The following UPK3A variants were observed in gnomAD, a reference collection of about 807,000 sequenced individuals.
UPK3A encodes the protein uroplakin 3A, also known as uroplakin-3a.
Under a neutral mutation model 27.6 loss-of-function variants are expected in UPK3A, and 32 were observed. The ratio of observed to expected loss-of-function variants is 1.16; its 90% CI spans 0.87 to 1.55. The LOEUF (loss-of-function observed/expected upper bound fraction) is 1.55. UPK3A is among the 40% of genes most tolerant of loss of function. The probability of loss-of-function intolerance (pLI) is 0.00; values close to 1 mark genes in which losing one functional copy is unlikely to be tolerated. For synonymous variants in UPK3A, 171 were observed against 163.9 expected (o/e 1.04, Z -0.33); for missense variants, 370 against 367.9 (o/e 1.01, Z -0.05).
chr22:45,294,007 A>T (rs2084179222), intron 5 of UPK3A, among the ~76,000 whole-genome samples: 1 of 152,024 alleles, frequency 6.6e-6, no homozygotes, highest in African/African-American at 2.4e-5. Context: ...CCCACAGTCC[A>T]CTAGCCCCTG....
intron 3 of UPK3A, 78 bp from the exon 4 acceptor site, chr22:45,288,983 C>A: frequency 1.4e-6 from 2 of 1,457,774 alleles, no homozygotes; most frequent in Non-Finnish European, 9.6e-7. Flanking sequence ...CCTAGGCCAT[C>A]CTACATCCCC....
At chr22:45,289,197 G>A in intron 4 of UPK3A, 54 bp downstream of exon 4, 1 of 1,578,690 alleles carries the variant, frequency 6.3e-7, no homozygotes, top group Non-Finnish European at 8.7e-7. Flanking sequence ...AGAAGGCGGG[G>A]CCAGCCACGG....
Position 45,295,772 on chromosome 22 carries a change from C to A in UPK3A, c.*53C>A. 5 of 1,607,310 alleles carry A rather than the reference C, an allele frequency of 3.1e-6. No homozygotes were observed. Among genetic ancestry groups the A allele is most frequent in the Non-Finnish European group, 4.2e-6 (5 of 1,177,450 alleles). On this transcript the variant is annotated 3_prime_UTR_variant, in exon 6 of 6. Transcript: ENST00000216211. The stretch of plus-strand genomic sequence containing the variant: ...TCCTCCTCTCTGGCCTTGCCCCAGG[C>A]CCTGCAGCGGTGGTTGTCACACCCT...
Position 45,295,788 on chromosome 22 carries a change from G to A in UPK3A, c.*69G>A. On this transcript the variant is annotated 3_prime_UTR_variant, in exon 6 of 6. Coordinates refer to ENST00000216211, the MANE Select transcript of UPK3A (RefSeq NM_006953.4). ...TGCCCCAGGCCCTGCAGCGGTGGTT[G>A]TCACACCCTGACTTCAGGGAAGGTG... The A allele has an allele frequency of 1.3e-6, 2 of 1,586,876 alleles. No homozygotes were observed. The highest frequency in any genetic ancestry group is 8.6e-7 in the Non-Finnish European group (1 of 1,162,318).
chr22:45,288,958 C>A (rs1378102273), intron 3 of UPK3A, 103 bp from the exon 4 acceptor site: 9 of 1,100,120 alleles, frequency 8.2e-6, no homozygotes, highest in Non-Finnish European at 1.2e-5. Flanking sequence ...AGGGCCCCCG[C>A]TGCCGTCTCC....
At chr22:45,285,915 G>C (rs779666356) in intron 1 of UPK3A, 26 bp from the exon 2 acceptor site, 2 of 1,613,296 alleles carry the variant, frequency 1.2e-6, no homozygotes, top group Admixed American at 3.3e-5. Flanking sequence ...CCGGAGGTCA[G>C]TTCCCATCCT....
In UPK3A at chr22:45,287,309, C is replaced by T. The variant is rs1483589886; in HGVS notation, c.346C>T (p.Leu116=). The change falls in exon 3 of 6, where the codon CTG becomes TTG. Residue 116 remains leucine (L), a synonymous_variant. Coordinates refer to ENST00000216211, the MANE Select transcript of UPK3A (RefSeq NM_006953.4). ...DLIPCSDLPS[L]DAIGDVSKAS... is the part of the protein sequence containing the mutation. ...GATCCCCTGCAGTGACCTGCCCAGC[C>T]TGGATGCCATTGGGGATGTGTCCAA... 6.2e-7 allele frequency: 1 copy of T among 1,614,234 alleles called. No homozygotes were observed. Among genetic ancestry groups the T allele is most frequent in the Admixed American group, 1.7e-5 (1 of 60,034 alleles).
At chr22:45,293,035 A>C in intron 4 of UPK3A, 146 bp from the exon 5 acceptor site, 1 of 1,192,030 alleles carries the variant, frequency 8.4e-7, no homozygotes, top group Non-Finnish European at 1.2e-6. Context: ...AATTGTGCCT[A>C]AAACCTGAGA....
At chr22:45,293,957 A>G (rs2084178854) in intron 5 of UPK3A, among the ~76,000 whole-genome samples, 1 of 151,960 alleles carries the variant, frequency 6.6e-6, no homozygotes. Context: ...CGAGGGGTGT[A>G]CCAGGTTTAG....
Position 45,287,428 on chromosome 22 carries a change from C to T in UPK3A, c.465C>T (p.Pro155=), listed in dbSNP as rs62001037. ...ACTTCCAGGGCCTCTGTAACGCACC[C>T]CTGTCGGCAGCCACGGAGTACAGGT... ...DPNFQGLCNA[P]LSAATEYRFK... is the part of the protein sequence containing the mutation. The change falls in exon 3 of 6, where the codon CCC becomes CCT. Residue 155 remains proline, a synonymous_variant. Transcript: ENST00000216211. 4.4e-3 allele frequency: 6,996 copies of T among 1,603,372 alleles called. 277 individuals are homozygous for T. The African/African-American group carries it at 0.081, about 19-fold the overall frequency.
rs1569104902 is a variant in UPK3A, at chr22:45,289,118, G to A, written c.546G>A (p.Trp182Ter). The A allele has an allele frequency of 6.2e-7, 1 of 1,614,042 alleles. No individual in the cohort carries two copies. The highest frequency in any genetic ancestry group is 8.5e-7 in the Non-Finnish European group (1 of 1,180,026). Residue 182 changes from tryptophan to a stop codon, truncating the protein, a stop_gained, in exon 4 of 6, where the codon TGG (tryptophan) becomes TGA (stop). Coordinates refer to ENST00000216211, the MANE Select transcript of UPK3A (RefSeq NM_006953.4). LOFTEE classifies it high-confidence loss of function. The part of the protein sequence containing the change: ...STGLVEDQTL[W>*]SDPIRTNQLT... ...GCTTGGTAGAGGACCAGACCCTGTG[G>A]TCAGACCCCATCCGCACCAACCAGC...
intron 5 of UPK3A, 94 bp downstream of exon 5, chr22:45,293,407 G>C: frequency 1.3e-6 from 2 of 1,538,748 alleles, no homozygotes; most frequent in Non-Finnish European, 1.8e-6. Flanking sequence ...CCGAGGCAGG[G>C]GACAGCCCGG....
chr22:45,288,494 G>A (rs558367375), intron 3 of UPK3A, among the ~76,000 whole-genome samples: 7 of 151,862 alleles, frequency 4.6e-5, no homozygotes, highest in Non-Finnish European at 8.8e-5. Context: ...CACTGCGCCC[G>A]GCCCATTTTT....
intron 1 of UPK3A, among the ~76,000 whole-genome samples, chr22:45,285,344 G>C (rs908353320): frequency 6.6e-6 from 1 of 152,174 alleles, no homozygotes; most frequent in East Asian, 1.9e-4. Flanking sequence ...ACGCCTGGAC[G>C]GGGGCAGATA....
At chr22:45,294,405 C>A (rs1260077941) in intron 5 of UPK3A, among the ~76,000 whole-genome samples, 1 of 125,012 alleles carries the variant, frequency 8.0e-6, no homozygotes, top group African/African-American at 4.6e-5. Flanking sequence ...CCCTGCTAAC[C>A]CTGGTACACC....
chr22:45,287,855 G>GCT (rs1569104315), intron 3 of UPK3A, among the ~76,000 whole-genome samples: 1 of 151,996 alleles, frequency 6.6e-6, no homozygotes, highest in African/African-American at 2.4e-5. Context: ...GTACAGATGG[G>GCT]GTTTCATCAT....
intron 1 of UPK3A, among the ~76,000 whole-genome samples, chr22:45,285,453 G>T (rs2084110814): frequency 6.6e-6 from 1 of 152,200 alleles, no homozygotes; most frequent in Non-Finnish European, 1.5e-5. Context: ...ACCAGCTGGA[G>T]CCTGGGGTGA....
intron 4 of UPK3A, among the ~76,000 whole-genome samples, chr22:45,290,115 C>T (rs2084149928): frequency 6.6e-6 from 1 of 152,242 alleles, no homozygotes; most frequent in African/African-American, 2.4e-5. Flanking sequence ...GGCGGCTTTC[C>T]TGAGGTGGAA....
chr22:45,287,952 G>A (rs565105098), intron 3 of UPK3A, among the ~76,000 whole-genome samples: 2 of 152,234 alleles, frequency 1.3e-5, no homozygotes, highest in African/African-American at 2.4e-5. Flanking sequence ...GGCGTGAGCT[G>A]CCATGCCTGG....
Sources: gnomAD v4.1 joint callset for allele counts (sites outside exome capture counted in the v4.1 genomes callset) on GRCh38, gnomAD v4.1.1 for gene constraint, MANE v1.5 for transcripts, NCBI Gene and HGNC (gene_info 2026-07-23, HGNC 2026-07-21) for gene names.